The following NCAM1 variants were observed in gnomAD, a reference collection of about 807,000 sequenced individuals.
The protein encoded by NCAM1 is neural cell adhesion molecule 1, also known as antigen recognized by monoclonal antibody 5.1H11.
A neutral mutation model predicts 109.8 loss-of-function variants in NCAM1; 14 were observed. The ratio of observed to expected loss-of-function variants is 0.13; its 90% confidence interval spans 0.08 to 0.20. The LOEUF (loss-of-function observed/expected upper bound fraction) is 0.20. Ranked by LOEUF, NCAM1 falls within the 10% of genes least tolerant of loss-of-function variation. The pLI is 1.00. For synonymous variants in NCAM1, 418 were observed against 442.9 expected (o/e 0.94, Z 0.70); for missense variants, 774 against 1,109.9 (o/e 0.70, Z 4.30).
At chr11:113,195,168 T>C (rs782555859) in intron 1 of NCAM1, among the ~76,000 whole-genome samples, 1 of 152,212 alleles carries the variant, frequency 6.6e-6, no homozygotes, top group Non-Finnish European at 1.5e-5. Flanking sequence ...TGGATTAATA[T>C]TTGAAAGTTA....
chr11:113,041,796 A>C (rs3802850), intron 1 of NCAM1, among the ~76,000 whole-genome samples: 68,415 of 151,824 alleles, frequency 0.45, 16,323 homozygotes, highest in East Asian at 0.81. Context: ...CATGGGTGAC[A>C]CAGTGACCAC....
rs574132230 is a variant in NCAM1 at position 113,254,198 on chromosome 11, T to C, written c.1829-1679T>C. ...AATACCTTGACGTGTCTAAACCAAA[T>C]TTCTACCTATTTTCCACTGAATAGT... is the stretch of plus-strand genomic sequence containing the variant. On this transcript the variant is annotated intron_variant, in intron 15 of 19. Coordinates refer to ENST00000316851, the MANE Select transcript of NCAM1 (RefSeq NM_181351.5). Among the ~76,000 whole-genome samples, 271 of 152,306 alleles carry C rather than the reference T, an allele frequency of 1.8e-3. 5 individuals are homozygous for C. Among genetic ancestry groups the C allele is most frequent in the Admixed American group, 0.013 (192 of 15,300 alleles).
chr11:113,224,438 C>T (rs1310460254), intron 9 of NCAM1, among the ~76,000 whole-genome samples: 1 of 152,258 alleles, frequency 6.6e-6, no homozygotes, highest in Non-Finnish European at 1.5e-5. Context: ...AGCCAGGAAG[C>T]TCGAACTGGG....
intron 14 of NCAM1, among the ~76,000 whole-genome samples, chr11:113,245,570 C>A (rs1277226338): frequency 1.3e-5 from 2 of 152,204 alleles, no homozygotes; most frequent in African/African-American, 4.8e-5. Context: ...CAGAAGGAAA[C>A]CCATTCCCTA....
chr11:112,983,026 G>A (rs1246640378), intron 1 of NCAM1, among the ~76,000 whole-genome samples: 5 of 151,874 alleles, frequency 3.3e-5, no homozygotes, highest in African/African-American at 1.2e-4. Context: ...CTCTGAAGAT[G>A]GGCAGTTTTC....
intron 1 of NCAM1, among the ~76,000 whole-genome samples, chr11:113,153,652 G>C (rs779828052): frequency 6.6e-6 from 1 of 152,212 alleles, no homozygotes; most frequent in African/African-American, 2.4e-5. Context: ...AAAGTGAGCA[G>C]TTGTATGTCT....
intron 9 of NCAM1, among the ~76,000 whole-genome samples, chr11:113,225,542 G>C (rs1466536719): frequency 6.6e-6 from 1 of 152,188 alleles, no homozygotes; most frequent in Non-Finnish European, 1.5e-5. Context: ...CCCCAATCCA[G>C]CAAGGCAGGC....
chr11:113,130,017 G>A (rs1007785447), intron 1 of NCAM1, among the ~76,000 whole-genome samples: 3 of 152,228 alleles, frequency 2.0e-5, no homozygotes, highest in Admixed American at 1.3e-4. Context: ...GGATGTACAC[G>A]TGGGTGTCTA....
At chr11:113,015,667 C>A (rs1952188919) in intron 1 of NCAM1, among the ~76,000 whole-genome samples, 1 of 151,686 alleles carries the variant, frequency 6.6e-6, no homozygotes, top group East Asian at 1.9e-4. Flanking sequence ...ACCTGGGAGG[C>A]AGAGGTTGCA....
At chr11:113,070,519 G>A (rs1482528631) in intron 1 of NCAM1, among the ~76,000 whole-genome samples, 1 of 152,138 alleles carries the variant, frequency 6.6e-6, no homozygotes, top group Non-Finnish European at 1.5e-5. Context: ...ATCAGGCAGT[G>A]TAAAGGGAAA....
chr11:113,192,218 T>G (rs1555110001), intron 1 of NCAM1, among the ~76,000 whole-genome samples: 1 of 152,230 alleles, frequency 6.6e-6, no homozygotes, highest in Non-Finnish European at 1.5e-5. Context: ...TGGAGCCTCC[T>G]GGAAGCAATC....
chr11:112,996,992 G>A (rs1303790144), intron 1 of NCAM1, among the ~76,000 whole-genome samples: 2 of 152,118 alleles, frequency 1.3e-5, no homozygotes, highest in Non-Finnish European at 2.9e-5. Flanking sequence ...TTTCCAATGC[G>A]AACAGCTGGC....
At chr11:113,078,505 G>A (rs2135643227) in intron 1 of NCAM1, among the ~76,000 whole-genome samples, 1 of 152,272 alleles carries the variant, frequency 6.6e-6, no homozygotes, top group Non-Finnish European at 1.5e-5. Context: ...CTAAGGCTGA[G>A]TAGGGTATAG....
intron 1 of NCAM1, among the ~76,000 whole-genome samples, chr11:113,052,653 A>G (rs1328051102): frequency 6.6e-6 from 1 of 152,202 alleles, no homozygotes; most frequent in Non-Finnish European, 1.5e-5. Context: ...CCAAGTGTAA[A>G]AAAAATTTTG....
In NCAM1 at chr11:113,237,875, T is replaced by TATATAGAG. The variant is rs200669396; in HGVS notation, c.1825+2716_1825+2717insGAGATATA. Among the ~76,000 whole-genome samples, 126 of 44,364 alleles carry TATATAGAG rather than the reference T, an allele frequency of 2.8e-3. 1 individual carries two copies. In the Middle Eastern group the frequency reaches 0.034, roughly 12 times the overall value. 29.1% of individuals were successfully genotyped at this position (44,364 alleles called of 152,430 possible). A position where few individuals can be genotyped will look rare whatever the true frequency, so the allele number is the denominator to read the frequency against. ...GAGACCATATATATAGATATATAGA[T>TATATAGAG]ATATATAGATATATAGATATAGATA... On this transcript the variant is annotated intron_variant, in intron 14 of 19. Coordinates refer to ENST00000316851, the MANE Select transcript of NCAM1 (RefSeq NM_181351.5).
At chr11:113,182,186 A>G (rs1943354367) in intron 1 of NCAM1, among the ~76,000 whole-genome samples, 1 of 152,196 alleles carries the variant, frequency 6.6e-6, no homozygotes, top group African/African-American at 2.4e-5. Flanking sequence ...CTGTACCCCA[A>G]GAGAAGTAAA....
chr11:113,248,825 A>G (rs1555120733), intron 15 of NCAM1, among the ~76,000 whole-genome samples: 1 of 152,176 alleles, frequency 6.6e-6, no homozygotes, highest in Non-Finnish European at 1.5e-5. Context: ...TCCTGAGCCT[A>G]CAGGGCTTGG....
chr11:113,170,719 T>C (rs1942961992), intron 1 of NCAM1, among the ~76,000 whole-genome samples: 1 of 152,132 alleles, frequency 6.6e-6, no homozygotes, highest in Admixed American at 6.5e-5. Context: ...TATTAAACAG[T>C]GGGCCTAAAA....
chr11:113,160,156 C>T lies in NCAM1; in HGVS notation c.53-42223C>T, dbSNP rs142869003. The stretch of plus-strand genomic sequence containing the variant: ...TTGCAGCTGATGTTATTCCTATCAG[C>T]GCCTGAGGTCACACATAGGGCAGGC... On this transcript the variant is annotated intron_variant, in intron 1 of 19. Coordinates refer to ENST00000316851, the MANE Select transcript of NCAM1 (RefSeq NM_181351.5). Among the ~76,000 whole-genome samples the T allele has an allele frequency of 2.7e-3, 408 of 152,166 alleles. 2 individuals carry two copies. Among genetic ancestry groups the T allele is most frequent in the Middle Eastern group, 6.8e-3 (2 of 294 alleles).
Sources: gnomAD v4.1 joint callset for allele counts (sites outside exome capture counted in the v4.1 genomes callset) on GRCh38, gnomAD v4.1.1 for gene constraint, MANE v1.5 for transcripts, NCBI Gene and HGNC (gene_info 2026-07-23, HGNC 2026-07-21) for gene names.